Variants in TMEM132D observed in about 807,000 individuals in gnomAD.
TMEM132D encodes the protein transmembrane protein 132D, also known as mature OL transmembrane protein.
In TMEM132D, 21 loss-of-function variants were observed where a neutral mutation model predicts 62.3. The ratio of observed to expected loss-of-function variants is 0.34; its 90% CI spans 0.24 to 0.49. The LOEUF (loss-of-function observed/expected upper bound fraction) is 0.49, where lower values mean the gene tolerates loss of function less well. Among genes scored for constraint, TMEM132D ranks in the 20% least tolerant of loss-of-function variants. The pLI is 0.99. For synonymous variants in TMEM132D, 621 were observed against 575.6 expected (o/e 1.08, Z -1.13); for missense variants, 1,346 against 1,402.8 (o/e 0.96, Z 0.65).
At chr12:129,761,087 G>A (rs901599426) in intron 1 of TMEM132D, among the ~76,000 whole-genome samples, 2 of 152,016 alleles carry the variant, frequency 1.3e-5, no homozygotes, top group African/African-American at 4.8e-5. Flanking sequence ...CAATGGATGC[G>A]GGAGGAACTG....
At chr12:129,518,899 A>G (rs1875761962) in intron 3 of TMEM132D, among the ~76,000 whole-genome samples, 1 of 152,286 alleles carries the variant, frequency 6.6e-6, no homozygotes, top group South Asian at 2.1e-4. Flanking sequence ...GTAGAAACAA[A>G]AGGTTATTAA....
chr12:129,171,855 T>C (rs1877744592), intron 5 of TMEM132D, among the ~76,000 whole-genome samples: 1 of 152,104 alleles, frequency 6.6e-6, no homozygotes, highest in South Asian at 2.1e-4. Flanking sequence ...ACAGGCAGAG[T>C]AGATTTAGCA....
rs550303744 is a variant in TMEM132D, at chr12:129,161,477, T to C, written c.1443+48043A>G. Reference sequence around the variant, plus strand: ...CAGAGGGCTGGGTGAAAACTTAAGATTGCAGCCGTGGGGAGATGGTGCAGG... The same window carrying C: ...CAGAGGGCTGGGTGAAAACTTAAGACTGCAGCCGTGGGGAGATGGTGCAGG... On this transcript the variant is annotated intron_variant, in intron 5 of 8. Transcript: ENST00000422113. Among the ~76,000 whole-genome samples the C allele has an allele frequency of 4.6e-5, 7 of 152,310 alleles. No individual in the cohort carries two copies. In the South Asian group the frequency reaches 1.5e-3, roughly 32 times the overall value.
chr12:129,849,417 T>C (rs1016947641), intron 1 of TMEM132D, among the ~76,000 whole-genome samples: 1 of 152,170 alleles, frequency 6.6e-6, no homozygotes, highest in African/African-American at 2.4e-5. Context: ...AATCCAAAAC[T>C]GAAAATAAAA....
intron 5 of TMEM132D, among the ~76,000 whole-genome samples, chr12:129,096,022 C>T (rs951091417): frequency 6.6e-6 from 1 of 152,128 alleles, no homozygotes; most frequent in Non-Finnish European, 1.5e-5. Context: ...AGAGCCAGCT[C>T]CTGGTGGGGG....
At chr12:129,127,513 C>A (rs1876250213) in intron 5 of TMEM132D, among the ~76,000 whole-genome samples, 1 of 152,010 alleles carries the variant, frequency 6.6e-6, no homozygotes, top group Admixed American at 6.5e-5. Context: ...GCAAACAAGC[C>A]CAATGCACAA....
At chr12:129,267,296 G>C (rs986744336) in intron 4 of TMEM132D, among the ~76,000 whole-genome samples, 10 of 152,100 alleles carry the variant, frequency 6.6e-5, no homozygotes, top group African/African-American at 2.4e-4. Flanking sequence ...CATCGTCTCA[G>C]CCCAAAATCT....
At chr12:129,513,785 A>C (rs186047501) in intron 3 of TMEM132D, among the ~76,000 whole-genome samples, 2,798 of 150,224 alleles carry the variant, frequency 0.019, 42 homozygotes, top group Middle Eastern at 0.028. Flanking sequence ...GCGCCCGGCC[A>C]ATGGGGACCA....
At chr12:129,560,285 TTTC>T (rs1877181017) in intron 2 of TMEM132D, among the ~76,000 whole-genome samples, 1 of 148,748 alleles carries the variant, frequency 6.7e-6, no homozygotes, top group African/African-American at 2.5e-5. Context: ...TTTTTTTTTT[TTTC>T]AGACAGGGTC....
In TMEM132D at chr12:129,590,653, A is replaced by T. The variant is rs571420276; in HGVS notation, c.969-59448T>A. Reference sequence around the variant, plus strand: ...AAAGACCAGAAATCACAGAGGCTTAAATGAGACAGCCGTCTGTTTTTCCTT... The same window carrying T: ...AAAGACCAGAAATCACAGAGGCTTATATGAGACAGCCGTCTGTTTTTCCTT... On this transcript the variant is annotated intron_variant, in intron 2 of 8. Coordinates refer to ENST00000422113, the MANE Select transcript of TMEM132D (RefSeq NM_133448.3). Among the ~76,000 whole-genome samples the T allele has an allele frequency of 2.0e-5, 3 of 152,296 alleles. No individual in the cohort carries two copies. In the South Asian group the frequency reaches 6.2e-4, roughly 32 times the overall value.
chr12:129,250,831 T>C (rs948088700), intron 4 of TMEM132D, among the ~76,000 whole-genome samples: 2 of 152,154 alleles, frequency 1.3e-5, no homozygotes, highest in Admixed American at 6.5e-5. Context: ...TGGGAGAATG[T>C]AGTGAGATAC....
intron 3 of TMEM132D, among the ~76,000 whole-genome samples, chr12:129,372,587 T>C (rs1004147505): frequency 3.6e-5 from 3 of 83,384 alleles, no homozygotes; most frequent in Non-Finnish European, 9.1e-5. Context: ...GGATCAGCAG[T>C]GGCATTAGAT....
At chr12:129,170,032 C>T (rs369064124) in intron 5 of TMEM132D, 38 of 152,352 alleles carry the variant, frequency 2.5e-4, no homozygotes, top group African/African-American at 8.2e-4. Context: ...CATGTCTACA[C>T]TTTTCAGATG....
intron 2 of TMEM132D, among the ~76,000 whole-genome samples, chr12:129,633,071 T>C (rs962509505): frequency 1.3e-5 from 2 of 152,240 alleles, no homozygotes; most frequent in Non-Finnish European, 2.9e-5. Context: ...CTAATTTTTT[T>C]ATCTTAACAG....
intron 2 of TMEM132D, among the ~76,000 whole-genome samples, chr12:129,549,445 T>A (rs1876829641): frequency 1.3e-5 from 2 of 152,106 alleles, no homozygotes; most frequent in South Asian, 4.1e-4. Context: ...CTCATGGTAG[T>A]GAATAAGTCT....
chr12:129,170,769 C>T (rs1231395759), intron 5 of TMEM132D, among the ~76,000 whole-genome samples: 2 of 151,498 alleles, frequency 1.3e-5, no homozygotes, highest in Admixed American at 6.6e-5. Flanking sequence ...GATTGCACCA[C>T]TGCCCTCCAG....
rs574778898 is a variant in TMEM132D, at chr12:129,694,601, A to G, written c.968+5209T>C. Among the ~76,000 whole-genome samples, 4 of 152,328 alleles carry G rather than the reference A, an allele frequency of 2.6e-5. No individual in the cohort carries two copies. In the East Asian group the frequency reaches 7.7e-4, roughly 29 times the overall value. On this transcript the variant is annotated intron_variant, in intron 2 of 8. Transcript: ENST00000422113. ...GTGGCCATACTTCAACCAGTCATAG[A>G]CTGCTGAGTGTTCAAACTGTGTTCA...
At chr12:129,373,666 AC>A (rs1258677136) in intron 3 of TMEM132D, among the ~76,000 whole-genome samples, 2 of 151,966 alleles carry the variant, frequency 1.3e-5, no homozygotes, top group Admixed American at 1.3e-4. Flanking sequence ...AATAAAAAAA[AC>A]AACAAAAAAA....
At chr12:129,665,287 A>G (rs995460851) in intron 2 of TMEM132D, among the ~76,000 whole-genome samples, 1 of 152,152 alleles carries the variant, frequency 6.6e-6, no homozygotes, top group African/African-American at 2.4e-5. Flanking sequence ...TCAGCTAATT[A>G]GAAAACAAAG....
Sources: gnomAD v4.1 joint callset for allele counts (sites outside exome capture counted in the v4.1 genomes callset) on GRCh38, gnomAD v4.1.1 for gene constraint, MANE v1.5 for transcripts, NCBI Gene and HGNC (gene_info 2026-07-23, HGNC 2026-07-21) for gene names.